The following MED26 variants were observed in gnomAD, a reference collection of about 807,000 sequenced individuals.
MED26 encodes the protein mediator of RNA polymerase II transcription subunit 26.
A neutral mutation model predicts 43.7 loss-of-function variants in MED26; 7 were observed. The observed-to-expected ratio is 0.16, with a 90% CI of 0.09 to 0.30. The LOEUF (loss-of-function observed/expected upper bound fraction) is 0.30, where lower values mean the gene tolerates loss of function less well. MED26 is among the 10% of genes least tolerant of loss of function. The pLI is 1.00. For missense variants in MED26, 784 were observed against 840.6 expected, an observed-to-expected ratio of 0.93 and a Z score of 0.83; for synonymous variants, 375 against 371.1, an observed-to-expected ratio of 1.01 and a Z score of -0.12.
At position 16,577,573 on chromosome 19, in the gene MED26, G is replaced by A; in HGVS notation, c.257C>T (p.Pro86Leu). The A allele has an allele frequency of 6.2e-7, 1 of 1,609,650 alleles. No individual in the cohort carries two copies. The highest frequency in any genetic ancestry group is 8.5e-7 in the Non-Finnish European group (1 of 1,176,970). Residue 86 changes from proline to leucine, a missense_variant, in exon 3 of 3, where the codon CCG (proline) becomes CTG (leucine). By Grantham distance (98) the Pro-to-Leu change is moderately conservative. Coordinates refer to ENST00000263390, the MANE Select transcript of MED26 (RefSeq NM_004831.5). This position sits in a 1 kb window ranked among gnomAD's most constrained non-coding sequence, Gnocchi z 8.1. The stretch of plus-strand genomic sequence containing the variant: ...CAGCGCCGCCTCATGCTGGTGTGCC[G>A]GCTCGATGAGCTTCTGCCAGCTCCG... ...LLRSWQKLIE[P>L]AHQHEAALRG...
At chr19:16,591,786 G>A (rs182618699) in intron 1 of MED26, among the ~76,000 whole-genome samples, 52 of 152,322 alleles carry the variant, frequency 3.4e-4, no homozygotes, top group Admixed American at 1.8e-3. Flanking sequence ...GCCACGGTGC[G>A]TCTGACAGAG....
At chr19:16,621,902 T>C (rs1358871392) in intron 1 of MED26, among the ~76,000 whole-genome samples, 1 of 152,106 alleles carries the variant, frequency 6.6e-6, no homozygotes, top group Non-Finnish European at 1.5e-5. Context: ...ACCAGTGCCA[T>C]GTAATGCTAC....
chr19:16,585,885 C>A (rs931821727), intron 1 of MED26, among the ~76,000 whole-genome samples: 1 of 152,220 alleles, frequency 6.6e-6, no homozygotes, highest in African/African-American at 2.4e-5. Context: ...GTGGAGTGGA[C>A]CCGCTACTGG....
chr19:16,576,904 G>A lies in MED26; in HGVS notation c.926C>T (p.Ala309Val), dbSNP rs370088902. The change falls in exon 3 of 3, where the codon GCC (alanine) becomes GTC (valine). Residue 309 changes from alanine to valine, a missense_variant. By Grantham distance (64) the Ala-to-Val change is moderately conservative. This residue lies in a region of MED26 where 719 missense variants were observed against 730.9 expected (regional missense o/e 0.98). Coordinates refer to ENST00000263390, the MANE Select transcript of MED26 (RefSeq NM_004831.5). This position sits in a 1 kb window ranked among gnomAD's most constrained non-coding sequence, Gnocchi z 6.8. ...SPSPRPQALDATQVPSPLPLA... is the reference protein window; with the variant it reads ...SPSPRPQALDVTQVPSPLPLA... ...TGGAAGCGGTGACGGCACCTGTGTG[G>A]CATCGAGTGCCTGGGGCCGCGGTGA... 19 of 1,602,764 alleles carry A rather than the reference G, an allele frequency of 1.2e-5. No individual in the cohort carries two copies. The highest frequency in any genetic ancestry group is 8.9e-5 in the East Asian group (4 of 44,722).
At chr19:16,605,694 G>A (rs2086169390) in intron 1 of MED26, among the ~76,000 whole-genome samples, 1 of 152,182 alleles carries the variant, frequency 6.6e-6, no homozygotes, top group African/African-American at 2.4e-5. Flanking sequence ...TGAACAGGGT[G>A]GGAGACATGG....
rs565370596 is a variant in MED26 at position 16,576,085 on chromosome 19, A to G, written c.1745T>C (p.Leu582Pro). 2 of 1,613,838 alleles carry G rather than the reference A, an allele frequency of 1.2e-6. No individual in the cohort carries two copies. Among genetic ancestry groups the G allele is most frequent in the South Asian group, 1.1e-5 (1 of 91,090 alleles). The change falls in exon 3 of 3, where the codon CTC becomes CCC. Residue 582 changes from leucine (L) to proline (P), a missense_variant. This residue lies in a region of MED26 where 719 missense variants were observed against 730.9 expected (regional missense o/e 0.98). Transcript: ENST00000263390. This position sits in a 1 kb window ranked among gnomAD's most constrained non-coding sequence, Gnocchi z 6.8. The stretch of plus-strand genomic sequence containing the variant: ...GCGCCCGTCGTCGCCGTGCGGATCG[A>G]GCGATATGCACTGCGTCCAGTCATA... Reference protein sequence around the residue: ...NWYDWTQCISLDPHGDDGRLN... With the variant: ...NWYDWTQCISPDPHGDDGRLN...
intron 1 of MED26, among the ~76,000 whole-genome samples, chr19:16,609,849 C>T (rs1314043114): frequency 6.7e-6 from 1 of 149,580 alleles, no homozygotes; most frequent in African/African-American, 2.5e-5. Flanking sequence ...AAAATTTCTC[C>T]ACAACAATTA....
intron 1 of MED26, among the ~76,000 whole-genome samples, chr19:16,601,653 G>A (rs977635721): frequency 2.6e-5 from 4 of 152,210 alleles, no homozygotes; most frequent in African/African-American, 7.2e-5. Context: ...GGGAGTCTGC[G>A]AGGACACCTG....
At chr19:16,612,426 A>C (rs1439998405) in intron 1 of MED26, among the ~76,000 whole-genome samples, 1 of 152,102 alleles carries the variant, frequency 6.6e-6, no homozygotes, top group Non-Finnish European at 1.5e-5. Context: ...CTGGGACTAC[A>C]GGCACATGCC....
chr19:16,575,738 C>G lies in MED26; in HGVS notation c.*289G>C. ...CCTCTTTGGGGGTGAGGGACTAACG[C>G]TTTTTATAGCTGGTTTGCTATAGAG... On this transcript the variant is annotated 3_prime_UTR_variant, in exon 3 of 3. Transcript: ENST00000263390. The G allele has an allele frequency of 2.5e-6, 1 of 406,842 alleles. No individual in the cohort carries two copies. The highest frequency in any genetic ancestry group is 4.3e-5 in the East Asian group (1 of 23,116). 25.2% of individuals were successfully genotyped at this position (406,842 alleles called of 1,614,324 possible).
At position 16,575,992 on chromosome 19, in the gene MED26, C is replaced by T; in HGVS notation, c.*35G>A. The T allele has an allele frequency of 6.3e-7, 1 of 1,577,770 alleles. No homozygotes were observed. The highest frequency in any genetic ancestry group is 8.7e-7 in the Non-Finnish European group (1 of 1,155,894). ...TGCCTGCCCGCCCACCCGGCTTCTGCAAGATGGGAATGCACTTTGTGGCTG... is the reference window on the plus strand; with the variant it reads ...TGCCTGCCCGCCCACCCGGCTTCTGTAAGATGGGAATGCACTTTGTGGCTG... On this transcript the variant is annotated 3_prime_UTR_variant, in exon 3 of 3. Coordinates refer to ENST00000263390, the MANE Select transcript of MED26 (RefSeq NM_004831.5).
intron 1 of MED26, among the ~76,000 whole-genome samples, chr19:16,624,968 G>A (rs1738322588): frequency 6.6e-6 from 1 of 152,210 alleles, no homozygotes; most frequent in South Asian, 2.1e-4. Context: ...GTCCCAGGCA[G>A]ATGGGAACCG....
intron 1 of MED26, among the ~76,000 whole-genome samples, chr19:16,618,258 C>T (rs142891458): frequency 2.4e-4 from 36 of 152,300 alleles, no homozygotes; most frequent in Non-Finnish European, 4.0e-4. Flanking sequence ...CACAGGAGGC[C>T]TGGTGGGGTT....
intron 2 of MED26, chr19:16,578,043 G>C: frequency 2.0e-6 from 1 of 508,394 alleles, no homozygotes. Context: ...CGCTTCAAGT[G>C]GAGGGTTGGG....
intron 1 of MED26, among the ~76,000 whole-genome samples, chr19:16,619,292 C>G (rs1200841204): frequency 6.6e-6 from 1 of 152,194 alleles, no homozygotes; most frequent in African/African-American, 2.4e-5. Context: ...GCAAGATGCA[C>G]CTGGGAGGTG....
intron 1 of MED26, among the ~76,000 whole-genome samples, chr19:16,581,158 C>T (rs192701626): frequency 1.3e-5 from 2 of 152,262 alleles, no homozygotes; most frequent in Non-Finnish European, 2.9e-5. Context: ...CACAAAGCTG[C>T]CCTGCCAATG....
At position 16,591,687 on chromosome 19, in the gene MED26, T is replaced by C. The variant is rs556848255; in HGVS notation, c.73-13278A>G. 2.2e-4 allele frequency among the ~76,000 whole-genome samples: 34 copies of C among 152,288 alleles called. No individual in the cohort carries two copies. In the South Asian group the frequency reaches 2.5e-3, roughly 11 times the overall value. On this transcript the variant is annotated intron_variant, in intron 1 of 2. Transcript: ENST00000263390. ...GAGAAAAGGCCAGCGGCTGCAGACATCTGCAAAGTCTTGGGCAAACGACAG... is the reference window on the plus strand; with the variant it reads ...GAGAAAAGGCCAGCGGCTGCAGACACCTGCAAAGTCTTGGGCAAACGACAG...
chr19:16,608,139 G>A (rs2086182800), intron 1 of MED26, among the ~76,000 whole-genome samples: 1 of 152,242 alleles, frequency 6.6e-6, no homozygotes, highest in Non-Finnish European at 1.5e-5. Context: ...CAGCATCCAA[G>A]CCAGGTAAGG....
rs2086289913 is a variant in MED26, at chr19:16,627,904, G to T, written c.40C>A (p.Arg14=). ...APASPQQIRD[R]LLQAIDPQSN... ...TGGGGGTCGATGGCCTGCAGCAGCC[G>T]GTCCCTGATCTGCTGCGGAGACGCC... is the stretch of plus-strand genomic sequence containing the variant. The change falls in exon 1 of 3, where the codon CGG becomes AGG. Residue 14 remains arginine, a synonymous_variant. Coordinates refer to ENST00000263390, the MANE Select transcript of MED26 (RefSeq NM_004831.5). The T allele has an allele frequency of 6.7e-7, 1 of 1,502,074 alleles. No individual in the cohort carries two copies. Among genetic ancestry groups the T allele is most frequent in the Non-Finnish European group, 8.9e-7 (1 of 1,123,828 alleles). 93.0% of individuals were successfully genotyped at this position (1,502,074 alleles called of 1,614,324 possible).
Sources: gnomAD v4.1 joint callset for allele counts (sites outside exome capture counted in the v4.1 genomes callset) on GRCh38, gnomAD v4.1.1 for gene constraint, gnomAD v4.1.1 regional missense constraint, Gnocchi (gnomAD v3.1) non-coding constraint, MANE v1.5 for transcripts, NCBI Gene and HGNC (gene_info 2026-07-23, HGNC 2026-07-21) for gene names.